GRIN2A: variants seen among roughly 807,000 people sequenced by gnomAD.
GRIN2A encodes glutamate ionotropic receptor NMDA type subunit 2A.
GRIN2A carries 22 observed loss-of-function variants against 113.4 expected under a neutral mutation model. That is an observed-to-expected ratio of 0.19 (90% confidence interval 0.14 to 0.28). GRIN2A has a LOEUF of 0.28. GRIN2A is among the 10% of genes least tolerant of loss of function. The pLI is 1.00. For synonymous variants in GRIN2A, 827 were observed against 738.4 expected (o/e 1.12, Z -1.94); for missense variants, 1,502 against 1,887.0 (o/e 0.80, Z 3.78).
chr16:10,085,417 G>A (rs72774175), intron 2 of GRIN2A, among the ~76,000 whole-genome samples: 1 of 152,112 alleles, frequency 6.6e-6, no homozygotes, highest in Non-Finnish European at 1.5e-5. Flanking sequence ...TACATGCCAT[G>A]TTCATTTTGG....
intron 2 of GRIN2A, among the ~76,000 whole-genome samples, chr16:10,029,611 C>T (rs184333141): frequency 4.1e-4 from 63 of 152,296 alleles, no homozygotes; most frequent in Non-Finnish European, 7.1e-4. Context: ...TTTGGGGATA[C>T]GGCATATGTC....
intron 3 of GRIN2A, among the ~76,000 whole-genome samples, chr16:9,924,301 T>G (rs555735188): frequency 6.6e-6 from 1 of 152,180 alleles, no homozygotes; most frequent in Non-Finnish European, 1.5e-5. Context: ...AGTTATTCTA[T>G]TCTAAAAAGT....
chr16:10,126,660 G>A (rs2048943692), intron 2 of GRIN2A, among the ~76,000 whole-genome samples: 1 of 152,000 alleles, frequency 6.6e-6, no homozygotes, highest in African/African-American at 2.4e-5. Flanking sequence ...CCTTTGGCAC[G>A]TATCACCAAC....
intron 2 of GRIN2A, among the ~76,000 whole-genome samples, chr16:10,120,889 T>G (rs2048819718): frequency 6.6e-6 from 1 of 151,384 alleles, no homozygotes; most frequent in African/African-American, 2.4e-5. Context: ...ATCCCCACAC[T>G]GTCCTCCTCC....
At chr16:9,893,722 C>T (rs557897091) in intron 3 of GRIN2A, among the ~76,000 whole-genome samples, 1 of 152,228 alleles carries the variant, frequency 6.6e-6, no homozygotes, top group Non-Finnish European at 1.5e-5. Flanking sequence ...CTGCCTCTGG[C>T]TCCCAAAGTG....
intron 2 of GRIN2A, among the ~76,000 whole-genome samples, chr16:9,990,759 A>G (rs1049745849): frequency 6.6e-6 from 1 of 151,872 alleles, no homozygotes; most frequent in African/African-American, 2.4e-5. Flanking sequence ...GGATAATACT[A>G]TTTTCTTATT....
At chr16:10,052,943 G>A (rs564953847) in intron 2 of GRIN2A, among the ~76,000 whole-genome samples, 11 of 151,938 alleles carry the variant, frequency 7.2e-5, no homozygotes, top group African/African-American at 2.7e-4. Flanking sequence ...AGGTACTCTG[G>A]AGGCTGAGGC....
intron 4 of GRIN2A, among the ~76,000 whole-genome samples, chr16:9,854,013 G>C (rs1361422991): frequency 6.6e-6 from 1 of 152,056 alleles, no homozygotes; most frequent in East Asian, 1.9e-4. Flanking sequence ...ATGAGACTAT[G>C]ATTTCCCAGT....
intron 5 of GRIN2A, among the ~76,000 whole-genome samples, chr16:9,844,531 C>T (rs909155083): frequency 2.6e-5 from 4 of 152,260 alleles, no homozygotes; most frequent in South Asian, 2.1e-4. Flanking sequence ...TGTGATCTCT[C>T]TTAGTGCTCC....
At position 9,759,844 on chromosome 16, in the gene GRIN2A, G is replaced by C; in HGVS notation, c.*3305C>G. ...ACCATAAGTGGCCTAAGAACCTGCA[G>C]ATGTAAGGATGATGAAACCCATTTT... is the stretch of plus-strand genomic sequence containing the variant. On this transcript the variant is annotated 3_prime_UTR_variant, in exon 13 of 13. Transcript: ENST00000330684. The C allele has an allele frequency of 4.4e-6, 1 of 229,774 alleles. No homozygotes were observed. Among genetic ancestry groups the C allele is most frequent in the Non-Finnish European group, 8.6e-6 (1 of 115,856 alleles). 14.2% of individuals were successfully genotyped at this position (229,774 alleles called of 1,614,324 possible). A position where few individuals can be genotyped will look rare whatever the true frequency, so the allele number is the denominator to read the frequency against.
chr16:10,054,389 C>A (rs2047410540), intron 2 of GRIN2A, among the ~76,000 whole-genome samples: 3 of 152,170 alleles, frequency 2.0e-5, no homozygotes, highest in African/African-American at 7.2e-5. Context: ...ATGAACAGGA[C>A]TAATACAAAG....
intron 2 of GRIN2A, among the ~76,000 whole-genome samples, chr16:10,083,849 C>A: frequency 6.6e-6 from 1 of 152,144 alleles, no homozygotes; most frequent in Non-Finnish European, 1.5e-5. Flanking sequence ...TGCCTGTAGT[C>A]CCAGAACTTT....
intron 2 of GRIN2A, among the ~76,000 whole-genome samples, chr16:10,035,943 C>T (rs111548831): frequency 0.18 from 28,030 of 152,012 alleles, 2,918 homozygotes; most frequent in East Asian, 0.35. Context: ...AGGCTGGTCT[C>T]GAACTCCTGA....
At chr16:9,893,012 G>T (rs2043728005) in intron 3 of GRIN2A, among the ~76,000 whole-genome samples, 1 of 152,010 alleles carries the variant, frequency 6.6e-6, no homozygotes, top group South Asian at 2.1e-4. Flanking sequence ...TGGCCTAATG[G>T]GTCACATGTA....
chr16:10,121,842 C>T (rs1421536059), intron 2 of GRIN2A, among the ~76,000 whole-genome samples: 1 of 152,096 alleles, frequency 6.6e-6, no homozygotes, highest in Non-Finnish European at 1.5e-5. Flanking sequence ...ATAGCACTGG[C>T]CTTGGCTAAT....
chr16:9,945,842 G>A (rs1360737249), intron 2 of GRIN2A, among the ~76,000 whole-genome samples: 1 of 152,060 alleles, frequency 6.6e-6, no homozygotes, highest in Non-Finnish European at 1.5e-5. Flanking sequence ...AGCATCTTTC[G>A]TTTGCTATAT....
chr16:10,064,530 G>A (rs569691319), intron 2 of GRIN2A, among the ~76,000 whole-genome samples: 1 of 152,258 alleles, frequency 6.6e-6, no homozygotes, highest in African/African-American at 2.4e-5. Context: ...TACTGTTCAT[G>A]CCTCTACATT....
intron 2 of GRIN2A, among the ~76,000 whole-genome samples, chr16:10,117,589 C>T (rs1238484846): frequency 2.0e-5 from 3 of 152,186 alleles, no homozygotes; most frequent in African/African-American, 7.2e-5. Flanking sequence ...ACTGGGTCTT[C>T]CTGGACCAGA....
intron 4 of GRIN2A, among the ~76,000 whole-genome samples, chr16:9,881,879 A>G (rs2043488224): frequency 6.6e-6 from 1 of 152,228 alleles, no homozygotes; most frequent in Admixed American, 6.5e-5. Flanking sequence ...TAATCGTTCT[A>G]TCAATTGTCA....
Sources: allele counts gnomAD v4.1 joint callset (sites outside exome capture counted in the v4.1 genomes callset), GRCh38; gene constraint gnomAD v4.1.1; transcripts MANE v1.5; gene names NCBI Gene and HGNC (gene_info 2026-07-23, HGNC 2026-07-21).